TRPM3: variants seen among roughly 807,000 people sequenced by gnomAD.
The protein encoded by TRPM3 is transient receptor potential cation channel subfamily M member 3.
A neutral mutation model predicts 181.2 loss-of-function variants in TRPM3; 77 were observed. That is an observed-to-expected ratio of 0.42 (90% CI 0.35 to 0.51). The LOEUF (loss-of-function observed/expected upper bound fraction) is 0.51. TRPM3 is among the 20% of genes least tolerant of loss of function. The pLI is 0.01. For missense variants in TRPM3, 1,759 were observed against 2,196.7 expected (o/e 0.80, Z 3.98); for synonymous variants, 745 against 796.4 (o/e 0.94, Z 1.09).
intron 8 of TRPM3, among the ~76,000 whole-genome samples, chr9:70,749,071 G>T (rs2075685725): frequency 6.6e-6 from 1 of 151,830 alleles, no homozygotes; most frequent in South Asian, 2.1e-4. Flanking sequence ...TTGCTATGTT[G>T]CCTAGGCTGG....
At chr9:70,980,795 C>A (rs1169539933) in intron 1 of TRPM3, among the ~76,000 whole-genome samples, 1 of 152,142 alleles carries the variant, frequency 6.6e-6, no homozygotes, top group Non-Finnish European at 1.5e-5. Flanking sequence ...ATGTGGGAAC[C>A]CAGTCTTTGG....
intron 1 of TRPM3, among the ~76,000 whole-genome samples, chr9:70,964,199 TTGTC>T (rs1251086075): frequency 6.6e-6 from 1 of 152,140 alleles, no homozygotes; most frequent in Non-Finnish European, 1.5e-5. Context: ...TTTCTACTTA[TTGTC>T]TGTCTTTCCT....
At chr9:71,137,353 C>T (rs1336369589) in intron 1 of TRPM3, among the ~76,000 whole-genome samples, 1 of 152,140 alleles carries the variant, frequency 6.6e-6, no homozygotes, top group African/African-American at 2.4e-5. Flanking sequence ...ACATCAAATA[C>T]AAATCTAATA....
chr9:71,090,685 A>C (rs1205857066), intron 1 of TRPM3, among the ~76,000 whole-genome samples: 1 of 152,152 alleles, frequency 6.6e-6, no homozygotes, highest in Non-Finnish European at 1.5e-5. Flanking sequence ...CTCAAACTGC[A>C]CTTAAGTTCA....
chr9:71,085,444 A>G (rs528890111), intron 1 of TRPM3, among the ~76,000 whole-genome samples: 1 of 151,702 alleles, frequency 6.6e-6, no homozygotes, highest in South Asian at 2.1e-4. Context: ...GCAAAAAACA[A>G]ATAACCCCAT....
At chr9:70,798,048 C>T (rs1228623427) in intron 6 of TRPM3, among the ~76,000 whole-genome samples, 4 of 152,124 alleles carry the variant, frequency 2.6e-5, no homozygotes, top group Non-Finnish European at 2.9e-5. Flanking sequence ...AAAAGGAGTA[C>T]TATTTCTTTC....
At chr9:70,846,904 T>A (rs576155626) in intron 3 of TRPM3, among the ~76,000 whole-genome samples, 5 of 152,364 alleles carry the variant, frequency 3.3e-5, no homozygotes, top group African/African-American at 7.2e-5. Flanking sequence ...TTCACCACCC[T>A]TTACATGTGT....
intron 1 of TRPM3, among the ~76,000 whole-genome samples, chr9:71,354,977 T>C (rs1258318882): frequency 6.6e-6 from 1 of 152,228 alleles, no homozygotes; most frequent in Admixed American, 6.5e-5. Flanking sequence ...TTGTTTTACA[T>C]CTATAGTCAG....
intron 1 of TRPM3, among the ~76,000 whole-genome samples, chr9:70,979,068 A>C (rs1210920189): frequency 6.6e-6 from 1 of 152,118 alleles, no homozygotes; most frequent in East Asian, 1.9e-4. Flanking sequence ...AACAACTACA[A>C]CTACTTTCAG....
intron 1 of TRPM3, among the ~76,000 whole-genome samples, chr9:70,935,728 C>G (rs1229541374): frequency 6.6e-6 from 1 of 152,086 alleles, no homozygotes; most frequent in Non-Finnish European, 1.5e-5. Flanking sequence ...AATTTGTTTT[C>G]TGGATAAGGC....
intron 1 of TRPM3, among the ~76,000 whole-genome samples, chr9:70,929,290 C>T (rs1263296614): frequency 1.3e-5 from 2 of 151,868 alleles, no homozygotes; most frequent in Non-Finnish European, 2.9e-5. Context: ...CAACTTCTGT[C>T]TCCCGGGTTC....
At chr9:70,587,104 G>T (rs2057277540) in intron 22 of TRPM3, among the ~76,000 whole-genome samples, 1 of 151,712 alleles carries the variant, frequency 6.6e-6, no homozygotes, top group African/African-American at 2.4e-5. Flanking sequence ...ATTAATTTTA[G>T]ATGGAAAAGC....
At chr9:71,420,568 AG>A (rs997578685) in intron 1 of TRPM3, among the ~76,000 whole-genome samples, 126 of 151,024 alleles carry the variant, frequency 8.3e-4, no homozygotes, top group African/African-American at 2.8e-3. Context: ...AGAAAGAAAA[AG>A]AGAAGAGAAA....
At chr9:71,026,657 C>T (rs566466724) in intron 1 of TRPM3, among the ~76,000 whole-genome samples, 71 of 152,222 alleles carry the variant, frequency 4.7e-4, no homozygotes, top group Middle Eastern at 3.4e-3. Flanking sequence ...CTGGTGGGCT[C>T]GAAGCCCACC....
intron 18 of TRPM3, among the ~76,000 whole-genome samples, chr9:70,614,272 A>C (rs1263590313): frequency 6.7e-6 from 1 of 149,444 alleles, no homozygotes; most frequent in Non-Finnish European, 1.5e-5. Context: ...AGGCTAGAGG[A>C]CTGCTTGAAA....
chr9:71,176,798 A>C (rs374718513), intron 1 of TRPM3, among the ~76,000 whole-genome samples: 1 of 152,256 alleles, frequency 6.6e-6, no homozygotes, highest in Non-Finnish European at 1.5e-5. Flanking sequence ...CCATGTTTAA[A>C]TACATTTAGA....
intron 1 of TRPM3, among the ~76,000 whole-genome samples, chr9:71,296,988 CTTTT>C (rs398010878): frequency 1.0e-5 from 1 of 97,870 alleles, no homozygotes; most frequent in Non-Finnish European, 2.0e-5. Context: ...TGAATCTTTT[CTTTT>C]TTTTTTTTTT....
At chr9:71,053,092 GAAAAAAAAAAAAA>G (rs36015552) in intron 1 of TRPM3, among the ~76,000 whole-genome samples, 2 of 62,456 alleles carry the variant, frequency 3.2e-5, no homozygotes, top group African/African-American at 6.2e-5. Flanking sequence ...CCATCCTAAG[GAAAAAAAAAAAAA>G]AAAAAAAAAA....
intron 1 of TRPM3, among the ~76,000 whole-genome samples, chr9:71,341,714 A>C (rs1464941362): frequency 6.6e-6 from 1 of 151,910 alleles, no homozygotes; most frequent in Non-Finnish European, 1.5e-5. Context: ...AATCAAATAA[A>C]ATTTGTAATT....
Sources: gnomAD v4.1 joint callset for allele counts (sites outside exome capture counted in the v4.1 genomes callset) on GRCh38, gnomAD v4.1.1 for gene constraint, MANE v1.5 for transcripts, NCBI Gene and HGNC (gene_info 2026-07-23, HGNC 2026-07-21) for gene names.